Variants in FAM185A observed in about 807,000 individuals in gnomAD.
The protein encoded by FAM185A is family with sequence similarity 185 member A, also known as protein FAM185A.
Under a neutral mutation model 45.7 loss-of-function variants are expected in FAM185A, and 21 were observed. That is an observed-to-expected ratio of 0.46 (90% CI 0.33 to 0.66). FAM185A has a LOEUF of 0.66. Among genes scored for constraint, FAM185A ranks in the 30% least tolerant of loss-of-function variants. FAM185A has a pLI of 0.03. For missense variants in FAM185A, 305 were observed against 485.4 expected (o/e 0.63, Z 3.49); for synonymous variants, 117 against 194.0 (o/e 0.60, Z 3.30).
At chr7:102,801,369 A>T (rs924136610) in intron 7 of FAM185A, among the ~76,000 whole-genome samples, 1 of 152,254 alleles carries the variant, frequency 6.6e-6, no homozygotes, top group African/African-American at 2.4e-5. Context: ...AAAATGACAA[A>T]TGGAATGCTA....
chr7:102,765,070 C>G (rs965760210), intron 4 of FAM185A, among the ~76,000 whole-genome samples: 5 of 152,194 alleles, frequency 3.3e-5, no homozygotes, highest in African/African-American at 9.6e-5. Flanking sequence ...ATTGTTTACT[C>G]TCAACTCCAC....
intron 7 of FAM185A, among the ~76,000 whole-genome samples, chr7:102,793,876 TA>T (rs1253211297): frequency 6.6e-6 from 1 of 151,600 alleles, no homozygotes; most frequent in Non-Finnish European, 1.5e-5. Context: ...CTGTCTCTAC[TA>T]AACATACAAA....
At position 102,787,340 on chromosome 7, in the gene FAM185A, A is replaced by G. The variant is rs1184852597; in HGVS notation, c.937A>G (p.Ile313Val). ...KVELKSHKGS[I>V]IVKVPSSLQA... ...CTCCATTATATTTATTACAGGTTCT[A>G]TTATTGTCAAGGTCCCATCTTCACT... Residue 313 changes from isoleucine (I) to valine (V), a missense_variant, in exon 7 of 8, where the codon ATT (isoleucine) becomes GTT (valine). By Grantham distance (29) the Ile-to-Val change is conservative (BLOSUM62 3). This residue lies in a region of FAM185A where 9 missense variants were observed against 50.5 expected (regional missense o/e 0.18). Coordinates refer to ENST00000413034, the MANE Select transcript of FAM185A (RefSeq NM_001145268.2). The G allele has an allele frequency of 3.4e-6, 5 of 1,462,860 alleles. No homozygotes were observed. The South Asian group carries it at 4.2e-5, about 12-fold the overall frequency. 90.6% of individuals were successfully genotyped at this position (1,462,860 alleles called of 1,614,324 possible).
chr7:102,816,876 C>G, the FAM185A span, among the ~76,000 whole-genome samples: 1 of 152,190 alleles, frequency 6.6e-6, no homozygotes, highest in Non-Finnish European at 1.5e-5. Context: ...TTCTGTTTCT[C>G]TGTTAATTCA....
chr7:102,849,362 T>C, the FAM185A span, among the ~76,000 whole-genome samples: 6 of 152,248 alleles, frequency 3.9e-5, no homozygotes, highest in South Asian at 2.1e-4. Flanking sequence ...AGACACTGAC[T>C]CTGCGTGTGC....
chr7:102,848,869 G>A, the FAM185A span, among the ~76,000 whole-genome samples: 6 of 152,090 alleles, frequency 3.9e-5, no homozygotes, highest in South Asian at 6.2e-4. Context: ...GCATGATGGT[G>A]CATGCCTGTA....
chr7:102,749,716 T>C (rs755904022), intron 1 of FAM185A, 58 bp downstream of exon 1: 12 of 1,496,726 alleles, frequency 8.0e-6, no homozygotes, highest in African/African-American at 1.4e-5. Flanking sequence ...GTGAACTTAA[T>C]AAATGTGGTC....
chr7:102,793,208 T>TG (rs1796241936), intron 7 of FAM185A, among the ~76,000 whole-genome samples: 1 of 151,540 alleles, frequency 6.6e-6, no homozygotes, highest in African/African-American at 2.4e-5. Context: ...GTGTTTTTTT[T>TG]TTGTTGTTGT....
chr7:102,791,114 G>T (rs1396790111), intron 7 of FAM185A, among the ~76,000 whole-genome samples: 2 of 152,168 alleles, frequency 1.3e-5, no homozygotes, highest in Non-Finnish European at 2.9e-5. Context: ...ATAAAAGTAG[G>T]CTGGAGAGTT....
At position 102,788,365 on chromosome 7, in the gene FAM185A, C is replaced by T. The variant is rs527603151; in HGVS notation, c.1066+896C>T. Among the ~76,000 whole-genome samples the T allele has an allele frequency of 5.5e-4, 84 of 152,130 alleles. No homozygotes were observed. The Middle Eastern group carries it at 0.01, about 18-fold the overall frequency. Reference sequence around the variant, plus strand: ...ATCAAGGAGGACATTGCAATTAGACCGTGTATAGGGATGAATGCTACAAGC... The same window carrying T: ...ATCAAGGAGGACATTGCAATTAGACTGTGTATAGGGATGAATGCTACAAGC... On this transcript the variant is annotated intron_variant, in intron 7 of 7. Coordinates refer to ENST00000413034, the MANE Select transcript of FAM185A (RefSeq NM_001145268.2).
chr7:102,838,076 T>C, the FAM185A span, among the ~76,000 whole-genome samples: 1 of 152,206 alleles, frequency 6.6e-6, no homozygotes, highest in Admixed American at 6.5e-5. Flanking sequence ...GCCCAGTCCT[T>C]CTTCTCACTC....
the FAM185A span, among the ~76,000 whole-genome samples, chr7:102,826,724 C>CATATAT: frequency 6.7e-3 from 420 of 62,456 alleles, 10 homozygotes; most frequent in Admixed American, 9.7e-3. Context: ...GACCCTGTCT[C>CATATAT]ATATATATAT....
rs1562845336 is a variant in FAM185A at position 102,758,426 on chromosome 7, G to GA, written c.654+480_654+481insA. Among the ~76,000 whole-genome samples, 4 of 95,862 alleles carry GA rather than the reference G, an allele frequency of 4.2e-5. 1 individual carries two copies. The highest frequency in any genetic ancestry group is 8.1e-5 in the Non-Finnish European group (4 of 49,544). The allele number at this position is 95,862 out of a possible 152,430, so 62.9% of individuals were successfully genotyped here. The stretch of plus-strand genomic sequence containing the variant: ...ATTAGATAGCTTTACTGCTCTCACA[G>GA]CTTTTTTTTTTTTTTTTTTTTTTTT... On this transcript the variant is annotated intron_variant, in intron 3 of 7. Transcript: ENST00000413034.
chr7:102,822,152 T>C, the FAM185A span: 1 of 1,614,174 alleles, frequency 6.2e-7, no homozygotes, highest in Non-Finnish European at 8.5e-7. Context: ...ATATCCAAAA[T>C]GTGCAGGTAA....
intron 2 of FAM185A, among the ~76,000 whole-genome samples, chr7:102,756,335 G>C (rs554543589): frequency 6.6e-6 from 1 of 152,206 alleles, no homozygotes; most frequent in East Asian, 1.9e-4. Context: ...CATATATAAT[G>C]ATTAAGGGAA....
chr7:102,788,892 A>G (rs1209993014), intron 7 of FAM185A, among the ~76,000 whole-genome samples: 3 of 152,242 alleles, frequency 2.0e-5, no homozygotes, highest in Non-Finnish European at 4.4e-5. Context: ...GAAAAGGTAC[A>G]GTAAAAATAT....
At chr7:102,753,473 T>TG (rs1176655524) in intron 2 of FAM185A, among the ~76,000 whole-genome samples, 4 of 152,078 alleles carry the variant, frequency 2.6e-5, no homozygotes, top group African/African-American at 9.7e-5. Flanking sequence ...TGATTTGTTG[T>TG]GGGGGCCTGT....
the FAM185A span, among the ~76,000 whole-genome samples, chr7:102,815,600 G>A: frequency 3.9e-5 from 6 of 152,124 alleles, no homozygotes; most frequent in Non-Finnish European, 7.3e-5. Context: ...GTTGACTGTA[G>A]TACAAGAGTA....
chr7:102,841,288 A>G, the FAM185A span, among the ~76,000 whole-genome samples: 1 of 152,148 alleles, frequency 6.6e-6, no homozygotes, highest in Admixed American at 6.5e-5. Flanking sequence ...TCATCTTACA[A>G]AGGATAAACT....
Sources: gnomAD v4.1 joint callset for allele counts (sites outside exome capture counted in the v4.1 genomes callset) on GRCh38, gnomAD v4.1.1 for gene constraint, gnomAD v4.1.1 regional missense constraint, MANE v1.5 for transcripts, NCBI Gene and HGNC (gene_info 2026-07-23, HGNC 2026-07-21) for gene names.